The following KHDRBS2 variants were observed in gnomAD, a reference collection of about 807,000 sequenced individuals.
KHDRBS2 encodes KH domain-containing, RNA-binding, signal transduction-associated protein 2.
In KHDRBS2, 26 loss-of-function variants were observed where a neutral mutation model predicts 44.3. The observed-to-expected ratio is 0.59, with a 90% CI of 0.43 to 0.81. The LOEUF is 0.81. KHDRBS2 is among the 40% of genes least tolerant of loss of function. KHDRBS2 has a pLI of 0.00. For synonymous variants in KHDRBS2, 194 were observed against 151.1 expected (o/e 1.28, Z -2.08); for missense variants, 476 against 433.1 (o/e 1.10, Z -0.88).
At chr6:61,595,811 A>T in the KHDRBS2 span, among the ~76,000 whole-genome samples, 1 of 151,798 alleles carries the variant, frequency 6.6e-6, no homozygotes, top group Non-Finnish European at 1.5e-5. Context: ...CTAATGTTTT[A>T]GTATTTAACT....
At chr6:61,748,507 G>A (rs939413408) in intron 6 of KHDRBS2, among the ~76,000 whole-genome samples, 4 of 152,082 alleles carry the variant, frequency 2.6e-5, no homozygotes, top group African/African-American at 9.7e-5. Context: ...TTTCACATAA[G>A]ATGTCTTTGA....
chr6:61,901,973 T>G (rs2127343823), intron 4 of KHDRBS2, among the ~76,000 whole-genome samples: 1 of 152,292 alleles, frequency 6.6e-6, no homozygotes, highest in South Asian at 2.1e-4. Context: ...TTTATTTACT[T>G]TTTTGAGACA....
At chr6:62,263,798 G>T (rs999314183) in intron 1 of KHDRBS2, among the ~76,000 whole-genome samples, 1 of 151,624 alleles carries the variant, frequency 6.6e-6, no homozygotes, top group Non-Finnish European at 1.5e-5. Context: ...TTGACACACT[G>T]GTTTTACATC....
intron 2 of KHDRBS2, among the ~76,000 whole-genome samples, chr6:62,066,734 A>G (rs1793819281): frequency 6.6e-6 from 1 of 151,688 alleles, no homozygotes; most frequent in Non-Finnish European, 1.5e-5. Flanking sequence ...TAGGGGACAT[A>G]GAAGCAAATG....
intron 3 of KHDRBS2, among the ~76,000 whole-genome samples, chr6:61,996,325 T>A (rs1327516625): frequency 6.6e-6 from 1 of 152,138 alleles, no homozygotes; most frequent in East Asian, 1.9e-4. Flanking sequence ...ATTAGCCAAA[T>A]GAGATACTGA....
At chr6:61,558,129 T>G in the KHDRBS2 span, among the ~76,000 whole-genome samples, 1 of 152,210 alleles carries the variant, frequency 6.6e-6, no homozygotes, top group Admixed American at 6.5e-5. Flanking sequence ...TTTCATTTAT[T>G]TATGCACTGA....
chr6:62,016,807 C>T (rs1311651938), intron 3 of KHDRBS2, among the ~76,000 whole-genome samples: 2 of 151,838 alleles, frequency 1.3e-5, no homozygotes, highest in Non-Finnish European at 2.9e-5. Flanking sequence ...CATAACTGAG[C>T]TTCCATTAAA....
At chr6:61,625,617 C>A in the KHDRBS2 span, among the ~76,000 whole-genome samples, 1 of 152,038 alleles carries the variant, frequency 6.6e-6, no homozygotes, top group Non-Finnish European at 1.5e-5. Flanking sequence ...CCCATCTTTG[C>A]TTTCGGATTG....
chr6:61,785,284 C>CT (rs1029462887), intron 6 of KHDRBS2, among the ~76,000 whole-genome samples: 51 of 152,064 alleles, frequency 3.4e-4, no homozygotes, highest in African/African-American at 1.2e-3. Context: ...TAAGATACCA[C>CT]TTTTTTGGCC....
At chr6:61,691,253 AAG>A (rs1424961993) in intron 8 of KHDRBS2, among the ~76,000 whole-genome samples, 1 of 152,122 alleles carries the variant, frequency 6.6e-6, no homozygotes, top group Non-Finnish European at 1.5e-5. Context: ...TAAGCAATAC[AAG>A]CATTGATGTA....
intron 4 of KHDRBS2, among the ~76,000 whole-genome samples, chr6:61,951,784 A>G (rs920379839): frequency 1.3e-5 from 2 of 152,058 alleles, no homozygotes; most frequent in African/African-American, 4.8e-5. Flanking sequence ...GCATAATTTA[A>G]CCTCAAGTGA....
intron 6 of KHDRBS2, among the ~76,000 whole-genome samples, chr6:61,745,841 A>G (rs1001671275): frequency 3.3e-5 from 5 of 152,068 alleles, no homozygotes; most frequent in African/African-American, 1.2e-4. Flanking sequence ...AAAATAAAAT[A>G]AAATATTTTA....
At chr6:62,244,132 C>G (rs1204345529) in intron 1 of KHDRBS2, among the ~76,000 whole-genome samples, 1 of 152,094 alleles carries the variant, frequency 6.6e-6, no homozygotes, top group Non-Finnish European at 1.5e-5. Flanking sequence ...AGTTTGCCAA[C>G]AGTTTATGTA....
chr6:61,609,403 A>C, the KHDRBS2 span, among the ~76,000 whole-genome samples: 1 of 152,212 alleles, frequency 6.6e-6, no homozygotes, highest in Non-Finnish European at 1.5e-5. Flanking sequence ...TTATTTCAAA[A>C]AGAGTAACTA....
chr6:61,888,528 T>C (rs1383736001), intron 6 of KHDRBS2, among the ~76,000 whole-genome samples: 2 of 149,694 alleles, frequency 1.3e-5, no homozygotes, highest in African/African-American at 4.9e-5. Flanking sequence ...AGAGATGAGA[T>C]AGGAAGAGAG....
chr6:62,228,655 T>A (rs2150157415), intron 1 of KHDRBS2, among the ~76,000 whole-genome samples: 1 of 152,322 alleles, frequency 6.6e-6, no homozygotes, highest in African/African-American at 2.4e-5. Flanking sequence ...TCTAGCTTTC[T>A]TATGTGGGCA....
the KHDRBS2 span, among the ~76,000 whole-genome samples, chr6:61,607,545 A>AAAAAAAAAAAAATG: frequency 6.8e-6 from 1 of 147,572 alleles, no homozygotes; most frequent in Non-Finnish European, 1.5e-5. Context: ...AAAAAAAAAA[A>AAAAAAAAAAAAATG]GATGTGTGAG....
At chr6:61,693,462 TCAAATCTCATG>T (rs1437339306) in intron 8 of KHDRBS2, among the ~76,000 whole-genome samples, 6 of 152,272 alleles carry the variant, frequency 3.9e-5, no homozygotes, top group African/African-American at 1.4e-4. Context: ...TTCTCAAAAT[TCAAATCTCATG>T]ACCATATGAA....
At chr6:62,150,461 G>A (rs1354360927) in intron 2 of KHDRBS2, among the ~76,000 whole-genome samples, 1 of 152,142 alleles carries the variant, frequency 6.6e-6, no homozygotes, top group East Asian at 1.9e-4. Context: ...GATCACTGAG[G>A]TTAGGAGGAG....
Sources: allele counts gnomAD v4.1 joint callset (sites outside exome capture counted in the v4.1 genomes callset), GRCh38; gene constraint gnomAD v4.1.1; transcripts MANE v1.5; gene names NCBI Gene and HGNC (gene_info 2026-07-23, HGNC 2026-07-21).